Variants in NT5E observed in about 807,000 individuals in gnomAD.
The protein encoded by NT5E is 5'-nucleotidase ecto, also known as 5'-nucleotidase.
A neutral mutation model predicts 55.1 loss-of-function variants in NT5E; 53 were observed. That is an observed-to-expected ratio of 0.96 (90% CI 0.77 to 1.21). NT5E has a LOEUF of 1.21. Ranked by LOEUF, NT5E falls within the 50% of genes most tolerant of loss-of-function variation. NT5E has a pLI of 0.00. For missense variants in NT5E, 683 were observed against 724.3 expected (o/e 0.94, Z 0.65); for synonymous variants, 270 against 278.4 (o/e 0.97, Z 0.30).
chr6:85,489,712 C>A, intron 6 of NT5E, 113 bp downstream of exon 6: 1 of 768,772 alleles, frequency 1.3e-6, no homozygotes, highest in Non-Finnish European at 2.3e-6. Flanking sequence ...ATCTCTGCTG[C>A]CAGCCATGTA....
chr6:85,482,222 G>A (rs1419204295), intron 3 of NT5E, among the ~76,000 whole-genome samples: 1 of 152,140 alleles, frequency 6.6e-6, no homozygotes, highest in East Asian at 1.9e-4. Flanking sequence ...CAGGCCAGGT[G>A]CGTGGCTCAT....
intron 3 of NT5E, among the ~76,000 whole-genome samples, chr6:85,481,540 G>C (rs1156853982): frequency 6.6e-6 from 1 of 152,184 alleles, no homozygotes; most frequent in Non-Finnish European, 1.5e-5. Flanking sequence ...TGTAAGGTAG[G>C]TGCTTTTGCT....
chr6:85,461,066 T>C (rs757219688), intron 1 of NT5E, among the ~76,000 whole-genome samples: 1 of 152,216 alleles, frequency 6.6e-6, no homozygotes, highest in African/African-American at 2.4e-5. Context: ...AATTAAATAA[T>C]ATGCATTAGT....
intron 1 of NT5E, 94 bp from the exon 2 acceptor site, chr6:85,466,966 A>T: frequency 8.5e-7 from 1 of 1,171,274 alleles, no homozygotes; most frequent in South Asian, 1.3e-5. Flanking sequence ...ATCATGCAAT[A>T]TGTCTCATAG....
chr6:85,472,680 G>A (rs1769339431), intron 3 of NT5E, among the ~76,000 whole-genome samples: 1 of 152,150 alleles, frequency 6.6e-6, no homozygotes, highest in Non-Finnish European at 1.5e-5. Flanking sequence ...CTATATTCTG[G>A]TATGCAGCGT....
At chr6:85,481,500 C>T (rs550848151) in intron 3 of NT5E, among the ~76,000 whole-genome samples, 15 of 152,328 alleles carry the variant, frequency 9.8e-5, no homozygotes, top group Non-Finnish European at 1.9e-4. Flanking sequence ...TCACTTGCTG[C>T]ATTAACTTCT....
At position 85,450,255 on chromosome 6, in the gene NT5E, G is replaced by A; in HGVS notation, c.116G>A (p.Ser39Asn). 1.9e-6 allele frequency: 3 copies of A among 1,609,410 alleles called. No individual in the cohort carries two copies. The highest frequency in any genetic ancestry group is 1.7e-4 in the Middle Eastern group (1 of 6,056). ...ATTTTGCACACCAACGACGTGCACA[G>A]CCGGCTGGAGCAGACCAGCGAGGAC... is the stretch of plus-strand genomic sequence containing the variant. ...LTILHTNDVHSRLEQTSEDSS... is the reference protein window; with the variant it reads ...LTILHTNDVHNRLEQTSEDSS... Residue 39 changes from serine (S) to asparagine (N), a missense_variant, in exon 1 of 9, where the codon AGC (serine) becomes AAC (asparagine). Ser to Asn is a conservative substitution (Grantham distance 46, BLOSUM62 1). Transcript: ENST00000257770. This position sits in a 1 kb window ranked among gnomAD's most constrained non-coding sequence, Gnocchi z 4.0.
intron 3 of NT5E, among the ~76,000 whole-genome samples, chr6:85,481,821 G>A (rs1475981784): frequency 6.6e-6 from 1 of 152,212 alleles, no homozygotes; most frequent in Non-Finnish European, 1.5e-5. Context: ...AAACCAGGAA[G>A]TGCATGATCA....
At chr6:85,475,765 T>A (rs1272655526) in intron 3 of NT5E, among the ~76,000 whole-genome samples, 5 of 152,198 alleles carry the variant, frequency 3.3e-5, no homozygotes, top group Non-Finnish European at 5.9e-5. Context: ...TCAATCTGGC[T>A]AGCTATGGCC....
rs80001130 is a variant in NT5E at position 85,454,443 on chromosome 6, T to C, written c.339+3965T>C. ...ATAACTAGTGAGTTTGGACATTTTT[T>C]GATATGTTTGTTAACTTTTTAAGCT... On this transcript the variant is annotated intron_variant, in intron 1 of 8. Coordinates refer to ENST00000257770, the MANE Select transcript of NT5E (RefSeq NM_002526.4). 7.1e-3 allele frequency among the ~76,000 whole-genome samples: 1,089 copies of C among 152,370 alleles called. 12 individuals carry two copies. The highest frequency in any genetic ancestry group is 0.024 in the African/African-American group (1,004 of 41,588).
intron 5 of NT5E, among the ~76,000 whole-genome samples, chr6:85,488,579 A>T (rs941466674): frequency 9.9e-5 from 15 of 152,052 alleles, no homozygotes; most frequent in African/African-American, 2.7e-4. Flanking sequence ...TTATTTAATT[A>T]ATTAATTTAT....
intron 3 of NT5E, 80 bp downstream of exon 3, chr6:85,471,505 C>A: frequency 9.3e-7 from 1 of 1,074,826 alleles, no homozygotes; most frequent in East Asian, 2.4e-5. Context: ...ACTGTTATTA[C>A]TCTTTTTACT....
At chr6:85,465,642 C>T (rs1769178689) in intron 1 of NT5E, among the ~76,000 whole-genome samples, 1 of 152,202 alleles carries the variant, frequency 6.6e-6, no homozygotes, top group Non-Finnish European at 1.5e-5. Context: ...ACACATTGTG[C>T]TTTCTCTGCA....
At chr6:85,493,002 G>A (rs1769818759) in intron 8 of NT5E, among the ~76,000 whole-genome samples, 1 of 152,170 alleles carries the variant, frequency 6.6e-6, no homozygotes, top group Non-Finnish European at 1.5e-5. Flanking sequence ...GAAGATGGAA[G>A]GGCAGGCGTA....
chr6:85,489,357 T>C, intron 5 of NT5E, 137 bp from the exon 6 acceptor site: 2 of 701,356 alleles, frequency 2.9e-6, no homozygotes, highest in Non-Finnish European at 5.3e-6. Context: ...GTTCTAATTA[T>C]AGTTGAGAGA....
At chr6:85,484,140 G>A (rs1769603165) in intron 3 of NT5E, among the ~76,000 whole-genome samples, 1 of 152,176 alleles carries the variant, frequency 6.6e-6, no homozygotes, top group Admixed American at 6.5e-5. Context: ...TAATCAACAT[G>A]TGCTGAAGTT....
intron 7 of NT5E, 80 bp downstream of exon 7, chr6:85,490,737 C>G: frequency 1.3e-6 from 2 of 1,524,920 alleles, no homozygotes; most frequent in Non-Finnish European, 1.8e-6. Context: ...TCCCCTTCAC[C>G]AAAATTCCTG....
intron 3 of NT5E, 81 bp from the exon 4 acceptor site, chr6:85,485,154 T>C (rs1582385116): frequency 1.5e-6 from 2 of 1,350,522 alleles, no homozygotes; most frequent in East Asian, 2.3e-5. Flanking sequence ...AACTCTGTCA[T>C]CCAGCCAGTA....
At chr6:85,484,891 C>T (rs1456568909) in intron 3 of NT5E, among the ~76,000 whole-genome samples, 1 of 152,150 alleles carries the variant, frequency 6.6e-6, no homozygotes, top group Non-Finnish European at 1.5e-5. Flanking sequence ...GGTAAAGTGG[C>T]TTGGCTAATC....
Sources: allele counts gnomAD v4.1 joint callset (sites outside exome capture counted in the v4.1 genomes callset), GRCh38; gene constraint gnomAD v4.1.1; non-coding constraint Gnocchi (gnomAD v3.1); transcripts MANE v1.5; gene names NCBI Gene and HGNC (gene_info 2026-07-23, HGNC 2026-07-21).